FOXP3: variants seen among roughly 807,000 people sequenced by gnomAD.
FOXP3 encodes the protein forkhead box P3.
Under a neutral mutation model 31.2 loss-of-function variants are expected in FOXP3, and 5 were observed. The observed-to-expected ratio is 0.16, with a 90% CI of 0.08 to 0.34. The LOEUF (loss-of-function observed/expected upper bound fraction) is 0.34. Among genes scored for constraint, FOXP3 ranks in the 10% least tolerant of loss-of-function variants. FOXP3 has a pLI of 1.00. For synonymous variants in FOXP3, 141 were observed against 148.8 expected (o/e 0.95, Z 0.38); for missense variants, 251 against 363.0 (o/e 0.69, Z 2.51).
Position 49,256,215 on chromosome X carries a change from AGAGAAAG to A in FOXP3, c.648-420_648-414del, listed in dbSNP as rs2066069563. Reference sequence around the variant, plus strand: ...TTGTGTGTGTGTGTGTGTGAGAGAGAGAGAAAGAGAGAGAGAGAGAGAGAGAGAGAGA... The same window carrying A: ...TTGTGTGTGTGTGTGTGTGAGAGAGAAGAGAGAGAGAGAGAGAGAGAGAGA... On this transcript the variant is annotated intron_variant, in intron 6 of 11. Coordinates refer to ENST00000376207, the MANE Select transcript of FOXP3 (RefSeq NM_014009.4). Among the ~76,000 whole-genome samples the A allele has an allele frequency of 6.1e-5, 3 of 49,523 alleles. No homozygotes were observed. The South Asian group carries it at 3.8e-3, about 63-fold the overall frequency. The allele number at this position is 49,523 out of a possible 115,157, so 43.0% of individuals were successfully genotyped here.
intron 1 of FOXP3, among the ~76,000 whole-genome samples, chrX:49,259,633 C>A (rs12843496): frequency 9.0e-6 from 1 of 110,787 alleles, no homozygotes; most frequent in Non-Finnish European, 1.9e-5. Flanking sequence ...GCTCCGGGCC[C>A]CCTGCTGAGC....
At chrX:49,252,567 A>G (rs1340993497) in intron 10 of FOXP3, among the ~76,000 whole-genome samples, 1 of 109,914 alleles carries the variant, frequency 9.1e-6, no homozygotes, top group Non-Finnish European at 1.9e-5. Context: ...TGGCGCTAGG[A>G]TGAAGGTTCT....
chrX:49,255,639 T>A, intron 7 of FOXP3, 76 bp downstream of exon 7: 2 of 1,128,865 alleles, frequency 1.8e-6, no homozygotes, highest in Admixed American at 2.5e-5. Flanking sequence ...CCAGGTGAAC[T>A]TGGTTTCTGG....
intron 1 of FOXP3, among the ~76,000 whole-genome samples, chrX:49,260,042 A>C (rs1300988643): frequency 2.7e-5 from 3 of 111,033 alleles, no homozygotes; most frequent in Non-Finnish European, 5.7e-5. Context: ...GATGAGTGTG[A>C]GAATCCAGGT....
chrX:49,257,444 C>T lies in FOXP3; in HGVS notation c.437G>A (p.Arg146Gln), dbSNP rs1557116525. The change falls in exon 4 of 12, where the codon CGG becomes CAG. Residue 146 changes from arginine (R) to glutamine (Q), a missense_variant. By Grantham distance (43) the Arg-to-Gln change is conservative (BLOSUM62 1). Coordinates refer to ENST00000376207, the MANE Select transcript of FOXP3 (RefSeq NM_014009.4). The part of the protein sequence containing the change: ...TATGVFSLKA[R>Q]PGLPPGINVA... Reference sequence around the variant, plus strand: ...GGTGTTACCAGGTGGGAGGCCAGGCCGGGCCTTGAGGGAGAAGACCCCAGT... The same window carrying T: ...GGTGTTACCAGGTGGGAGGCCAGGCTGGGCCTTGAGGGAGAAGACCCCAGT... 18 of 1,139,186 alleles carry T rather than the reference C, an allele frequency of 1.6e-5. No individual in the cohort carries two copies. The highest frequency in any genetic ancestry group is 5.7e-4 in the Middle Eastern group (2 of 3,489). The allele number at this position is 1,139,186 out of a possible 1,213,427, so 93.9% of individuals were successfully genotyped here.
chrX:49,259,182 T>C (rs2066095366), intron 1 of FOXP3: 1 of 525,626 alleles, frequency 1.9e-6, no homozygotes, highest in Non-Finnish European at 3.5e-6. Context: ...CAAAGTGACA[T>C]GGGTTTTAGC....
rs781854756 is a variant in FOXP3, at chrX:49,259,642, G to T, written c.-22-1115C>A. 4.5e-5 allele frequency among the ~76,000 whole-genome samples: 5 copies of T among 110,857 alleles called. No individual in the cohort carries two copies. In the South Asian group the frequency reaches 1.9e-3, roughly 43 times the overall value. ...ACAATGGCTCCGGGCCCCCTGCTGA[G>T]CCCCAGAACCTTCCACTCCCTGAGG... On this transcript the variant is annotated intron_variant, in intron 1 of 11. Transcript: ENST00000376207.
chrX:49,251,836 C>T (rs959911946), intron 10 of FOXP3, 71 bp from the exon 11 acceptor site: 8 of 1,171,515 alleles, frequency 6.8e-6, no homozygotes, highest in East Asian at 3.1e-5. Context: ...TGACCTACCC[C>T]GAGCCATCTG....
At chrX:49,253,278 T>C in intron 9 of FOXP3, 76 bp from the exon 10 acceptor site, 1 of 890,621 alleles carries the variant, frequency 1.1e-6, no homozygotes, top group South Asian at 2.1e-5. Context: ...CCCTACAAGG[T>C]GAGTCTACAG....
At chrX:49,252,583 G>A (rs1232913363) in intron 10 of FOXP3, among the ~76,000 whole-genome samples, 4 of 110,158 alleles carry the variant, frequency 3.6e-5, no homozygotes, top group Non-Finnish European at 7.6e-5. Flanking sequence ...GTTCTGAGAA[G>A]GCATTGGGGA....
In FOXP3 at chrX:49,250,808, GC is replaced by G. The variant is rs2066024925; in HGVS notation, c.*525del. On this transcript the variant is annotated 3_prime_UTR_variant, in exon 12 of 12. Coordinates refer to ENST00000376207, the MANE Select transcript of FOXP3 (RefSeq NM_014009.4). ...CCCTGTGTTGACAGTGCCCCTGTGG[GC>G]CCTGAGGCTGGCTGTGGGTGCGTGC... 2 of 231,120 alleles carry G rather than the reference GC, an allele frequency of 8.7e-6. No individual in the cohort carries two copies. The highest frequency in any genetic ancestry group is 1.6e-3 in the Middle Eastern group (1 of 644). 19.0% of individuals were successfully genotyped at this position (231,120 alleles called of 1,213,427 possible).
Position 49,252,447 on chromosome X carries a change from T to C in FOXP3, c.1044+679A>G, listed in dbSNP as rs868984202. 6.3e-5 allele frequency among the ~76,000 whole-genome samples: 7 copies of C among 110,489 alleles called. 1 individual carries two copies. The highest frequency in any genetic ancestry group is 2.3e-4 in the African/African-American group (7 of 30,362). ...GGGATTACAGAGTCAGCGATGATGATTGCAGTGAGGCTATCAGTCAGGATG... is the reference window on the plus strand; with the variant it reads ...GGGATTACAGAGTCAGCGATGATGACTGCAGTGAGGCTATCAGTCAGGATG... On this transcript the variant is annotated intron_variant, in intron 10 of 11. Transcript: ENST00000376207.
chrX:49,257,053 G>A, intron 4 of FOXP3, 41 bp from the exon 5 acceptor site: 2 of 1,108,573 alleles, frequency 1.8e-6, no homozygotes, highest in Non-Finnish European at 2.5e-6. Flanking sequence ...CTGTGGGCTG[G>A]GCTCTGGAGC....
intron 6 of FOXP3, among the ~76,000 whole-genome samples, chrX:49,256,025 A>G (rs1354040867): frequency 9.0e-6 from 1 of 110,645 alleles, no homozygotes; most frequent in Non-Finnish European, 1.9e-5. Flanking sequence ...GCCTGGCCAG[A>G]GTGCTGGAGA....
At chrX:49,256,168 T>C (rs1195918368) in intron 6 of FOXP3, among the ~76,000 whole-genome samples, 33 of 101,566 alleles carry the variant, frequency 3.2e-4, no homozygotes, top group African/African-American at 3.8e-5. Context: ...CTGCTAAGGG[T>C]TGTGTGTAGT....
At chrX:49,259,977 C>A (rs1434287525) in intron 1 of FOXP3, among the ~76,000 whole-genome samples, 1 of 111,340 alleles carries the variant, frequency 9.0e-6, no homozygotes, top group Non-Finnish European at 1.9e-5. Flanking sequence ...GTTGCTCCTT[C>A]CTTTCTTTGC....
chrX:49,259,280 T>G, intron 1 of FOXP3: 1 of 524,013 alleles, frequency 1.9e-6, no homozygotes, highest in East Asian at 3.6e-5. Context: ...CAGGTGTAGA[T>G]AGACATGAAG....
At chrX:49,263,125 A>G (rs2066119493) in intron 1 of FOXP3, among the ~76,000 whole-genome samples, 1 of 108,790 alleles carries the variant, frequency 9.2e-6, no homozygotes, top group Admixed American at 9.8e-5. Context: ...TCAATAAGGG[A>G]AAAATAAGAT....
intron 10 of FOXP3, among the ~76,000 whole-genome samples, chrX:49,252,785 G>A (rs1394561134): frequency 9.1e-6 from 1 of 110,184 alleles, no homozygotes; most frequent in Non-Finnish European, 1.9e-5. Flanking sequence ...GGTACGTTTA[G>A]GGCAAGGTGC....
Sources: gnomAD v4.1 joint callset for allele counts (sites outside exome capture counted in the v4.1 genomes callset) on GRCh38, gnomAD v4.1.1 for gene constraint, MANE v1.5 for transcripts, NCBI Gene and HGNC (gene_info 2026-07-23, HGNC 2026-07-21) for gene names.